NSMCE2: variants seen among roughly 807,000 people sequenced by gnomAD.
NSMCE2 encodes the protein E3 SUMO-protein ligase NSE2.
In NSMCE2, 24 loss-of-function variants were observed where a neutral mutation model predicts 23.8. The observed-to-expected ratio is 1.01, with a 90% CI of 0.73 to 1.42. NSMCE2 has a LOEUF of 1.42. Among genes scored for constraint, NSMCE2 ranks in the 40% most tolerant of loss-of-function variants. The pLI is 0.00. For synonymous variants in NSMCE2, 92 were observed against 94.1 expected (o/e 0.98, Z 0.13); for missense variants, 284 against 296.5 (o/e 0.96, Z 0.31).
At chr8:125,324,909 T>G (rs1157434185) in intron 5 of NSMCE2, among the ~76,000 whole-genome samples, 1 of 148,236 alleles carries the variant, frequency 6.7e-6, no homozygotes, top group Admixed American at 6.9e-5. Flanking sequence ...CAAATTGATG[T>G]AAGGCATCAG....
At chr8:125,318,893 G>A (rs913483227) in intron 5 of NSMCE2, among the ~76,000 whole-genome samples, 1 of 152,136 alleles carries the variant, frequency 6.6e-6, no homozygotes, top group Non-Finnish European at 1.5e-5. Flanking sequence ...TAAGAGTCCA[G>A]GGAAGCCAAG....
At chr8:125,125,016 A>G (rs1819445893) in intron 3 of NSMCE2, among the ~76,000 whole-genome samples, 1 of 151,942 alleles carries the variant, frequency 6.6e-6, no homozygotes, top group Admixed American at 6.6e-5. Flanking sequence ...GCTGGTCTGG[A>G]ACTCCTGACT....
At chr8:125,194,797 CGTTTT>C (rs1252296547) in intron 5 of NSMCE2, among the ~76,000 whole-genome samples, 1 of 152,040 alleles carries the variant, frequency 6.6e-6, no homozygotes, top group African/African-American at 2.4e-5. Context: ...GATTATTTTT[CGTTTT>C]GTTTTTCATT....
chr8:125,262,704 T>C (rs1049358353), intron 5 of NSMCE2, among the ~76,000 whole-genome samples: 11 of 152,244 alleles, frequency 7.2e-5, no homozygotes, highest in African/African-American at 1.9e-4. Flanking sequence ...AGTTTTTTTT[T>C]CTAAAAACTC....
intron 5 of NSMCE2, among the ~76,000 whole-genome samples, chr8:125,352,874 T>C (rs964923164): frequency 6.6e-6 from 1 of 152,142 alleles, no homozygotes; most frequent in Non-Finnish European, 1.5e-5. Flanking sequence ...AGATTGAGAG[T>C]GAGGAAATGT....
At chr8:125,149,018 A>G (rs1366387483) in intron 3 of NSMCE2, among the ~76,000 whole-genome samples, 7 of 152,184 alleles carry the variant, frequency 4.6e-5, no homozygotes, top group Non-Finnish European at 1.0e-4. Flanking sequence ...CCATATGTCC[A>G]TTTTGTTGAC....
chr8:125,212,275 G>A (rs4871574), intron 5 of NSMCE2, among the ~76,000 whole-genome samples: 74,377 of 151,992 alleles, frequency 0.49, 22,654 homozygotes, highest in African/African-American at 0.87. Context: ...CCTGTTTTCT[G>A]GTAGCCCAGG....
At chr8:125,112,332 T>C (rs1818798861) in intron 3 of NSMCE2, among the ~76,000 whole-genome samples, 1 of 152,216 alleles carries the variant, frequency 6.6e-6, no homozygotes, top group Admixed American at 6.5e-5. Flanking sequence ...TGGAAAACAG[T>C]ATGGAGGTTC....
intron 4 of NSMCE2, among the ~76,000 whole-genome samples, chr8:125,167,550 A>T (rs1821953849): frequency 6.6e-6 from 1 of 151,948 alleles, no homozygotes; most frequent in Non-Finnish European, 1.5e-5. Context: ...CACGAGAATC[A>T]CTTGAACCCA....
chr8:125,256,281 CAAAA>C (rs113772162), intron 5 of NSMCE2, among the ~76,000 whole-genome samples: 9 of 76,240 alleles, frequency 1.2e-4, no homozygotes, highest in African/African-American at 3.7e-4. Context: ...GACTCCGTCT[CAAAA>C]AAAAAAAAAA....
intron 5 of NSMCE2, among the ~76,000 whole-genome samples, chr8:125,226,678 A>T (rs1340255802): frequency 6.6e-6 from 1 of 152,178 alleles, no homozygotes; most frequent in African/African-American, 2.4e-5. Flanking sequence ...GAATGAAAAC[A>T]TGATTTGGGT....
chr8:125,267,003 C>CTTTTTTTTTTTTTTTT (rs35990794), intron 5 of NSMCE2, among the ~76,000 whole-genome samples: 2 of 111,990 alleles, frequency 1.8e-5, no homozygotes, highest in African/African-American at 3.3e-5. Context: ...TTTTTTCTTT[C>CTTTTTTTTTTTTTTTT]TTTTTTTTTT....
intron 5 of NSMCE2, among the ~76,000 whole-genome samples, chr8:125,341,804 G>A (rs1830260377): frequency 6.8e-6 from 1 of 147,712 alleles, no homozygotes; most frequent in South Asian, 2.1e-4. Flanking sequence ...CTCCTTTGCA[G>A]AAGAGGTAGA....
chr8:125,320,800 TA>T (rs1231268566), intron 5 of NSMCE2, among the ~76,000 whole-genome samples: 3 of 151,940 alleles, frequency 2.0e-5, no homozygotes, highest in Non-Finnish European at 2.9e-5. Context: ...CATACTGCTG[TA>T]AAAAAAATAC....
chr8:125,131,120 T>C (rs1819753905), intron 3 of NSMCE2, among the ~76,000 whole-genome samples: 2 of 152,246 alleles, frequency 1.3e-5, no homozygotes, highest in Non-Finnish European at 2.9e-5. Context: ...TGTCATAGTC[T>C]GGATTCTATT....
intron 5 of NSMCE2, among the ~76,000 whole-genome samples, chr8:125,273,146 T>C (rs1274972889): frequency 6.6e-6 from 1 of 152,330 alleles, no homozygotes; most frequent in Middle Eastern, 3.4e-3. Context: ...GACTTCCTTG[T>C]TGAAAGTCAG....
intron 5 of NSMCE2, among the ~76,000 whole-genome samples, chr8:125,201,456 C>G (rs1015258689): frequency 2.0e-5 from 3 of 152,210 alleles, no homozygotes; most frequent in African/African-American, 7.2e-5. Context: ...TTGGAGTTTG[C>G]TGGAGGTCCA....
At chr8:125,185,611 C>T (rs1464580121) in intron 5 of NSMCE2, among the ~76,000 whole-genome samples, 2 of 152,190 alleles carry the variant, frequency 1.3e-5, no homozygotes, top group Non-Finnish European at 2.9e-5. Context: ...TGGTCACATT[C>T]TTAAAATTTA....
intron 5 of NSMCE2, among the ~76,000 whole-genome samples, chr8:125,200,792 T>C (rs1401510829): frequency 1.3e-5 from 2 of 152,218 alleles, no homozygotes; most frequent in African/African-American, 2.4e-5. Context: ...CCATACTCCC[T>C]GTCACTTTCA....
Sources: allele counts gnomAD v4.1 joint callset (sites outside exome capture counted in the v4.1 genomes callset), GRCh38; gene constraint gnomAD v4.1.1; transcripts MANE v1.5; gene names NCBI Gene and HGNC (gene_info 2026-07-23, HGNC 2026-07-21).